Variants in CTNNA2 observed in about 807,000 individuals in gnomAD.
CTNNA2 encodes catenin alpha-2.
CTNNA2 carries 42 observed loss-of-function variants against 101.0 expected under a neutral mutation model. The observed-to-expected ratio is 0.42, with a 90% confidence interval of 0.32 to 0.54. The LOEUF (loss-of-function observed/expected upper bound fraction) is 0.54. CTNNA2 is among the 20% of genes least tolerant of loss of function. The pLI is 0.14. For synonymous variants in CTNNA2, 450 were observed against 456.4 expected (o/e 0.99, Z 0.18); for missense variants, 871 against 1,223.1 (o/e 0.71, Z 4.29).
intron 7 of CTNNA2, among the ~76,000 whole-genome samples, chr2:80,150,281 A>C (rs1002605968): frequency 6.6e-6 from 1 of 152,050 alleles, no homozygotes; most frequent in Non-Finnish European, 1.5e-5. Context: ...TTCTGACTTC[A>C]CAATTCCATC....
At chr2:79,305,076 G>A (rs1267901720) in intron 2 of CTNNA2, among the ~76,000 whole-genome samples, 1 of 151,990 alleles carries the variant, frequency 6.6e-6, no homozygotes, top group Non-Finnish European at 1.5e-5. Context: ...TAGTGACAAG[G>A]GGAATTCTGT....
intron 4 of CTNNA2, among the ~76,000 whole-genome samples, chr2:79,471,752 G>T (rs1384433138): frequency 6.6e-6 from 1 of 152,000 alleles, no homozygotes; most frequent in Non-Finnish European, 1.5e-5. Flanking sequence ...GCAGAAGAAC[G>T]GCCTGAACCC....
intron 7 of CTNNA2, among the ~76,000 whole-genome samples, chr2:79,934,997 A>T (rs1687681393): frequency 6.6e-6 from 1 of 152,212 alleles, no homozygotes; most frequent in Non-Finnish European, 1.5e-5. Context: ...TTAACAAGTT[A>T]TACAGTTAAA....
chr2:80,224,068 C>T (rs1708729569), intron 7 of CTNNA2, among the ~76,000 whole-genome samples: 1 of 152,166 alleles, frequency 6.6e-6, no homozygotes, highest in Non-Finnish European at 1.5e-5. Flanking sequence ...CTGCTCACTT[C>T]CCATGACTTG....
At chr2:79,191,965 C>T (rs1328374512) in intron 1 of CTNNA2, among the ~76,000 whole-genome samples, 1 of 152,118 alleles carries the variant, frequency 6.6e-6, no homozygotes, top group Admixed American at 6.5e-5. Context: ...GGTTGCTGGT[C>T]ACTTACCAGG....
At chr2:79,225,225 AT>A (rs1251078851) in intron 2 of CTNNA2, among the ~76,000 whole-genome samples, 1 of 152,174 alleles carries the variant, frequency 6.6e-6, no homozygotes, top group Non-Finnish European at 1.5e-5. Flanking sequence ...CAGGGGCATC[AT>A]TTTAACTATT....
chr2:79,335,870 G>C (rs1431416337), intron 3 of CTNNA2, among the ~76,000 whole-genome samples: 1 of 152,156 alleles, frequency 6.6e-6, no homozygotes, highest in Non-Finnish European at 1.5e-5. Flanking sequence ...ACTTGCACCT[G>C]GGAAAGCTAC....
chr2:79,587,683 C>T (rs1186633418), intron 1 of CTNNA2, among the ~76,000 whole-genome samples: 1 of 152,152 alleles, frequency 6.6e-6, no homozygotes, highest in Non-Finnish European at 1.5e-5. Context: ...TACATCATGG[C>T]TCAAAAGCCA....
intron 18 of CTNNA2, among the ~76,000 whole-genome samples, chr2:80,636,567 G>A (rs184113635): frequency 6.6e-6 from 1 of 152,214 alleles, no homozygotes; most frequent in East Asian, 1.9e-4. Flanking sequence ...GTAAGGTGGT[G>A]TCATCCTTTA....
At chr2:79,708,032 A>T (rs566510837) in intron 2 of CTNNA2, among the ~76,000 whole-genome samples, 3 of 152,352 alleles carry the variant, frequency 2.0e-5, no homozygotes, top group African/African-American at 7.2e-5. Context: ...TTATTAAATT[A>T]TAGACCTTTC....
intron 18 of CTNNA2, among the ~76,000 whole-genome samples, chr2:80,639,975 A>C (rs1195502976): frequency 6.6e-6 from 1 of 152,014 alleles, no homozygotes; most frequent in Non-Finnish European, 1.5e-5. Context: ...GGTGGCACAC[A>C]TCTGTAATCC....
At chr2:79,729,055 T>C (rs1417052818) in intron 2 of CTNNA2, among the ~76,000 whole-genome samples, 1 of 152,172 alleles carries the variant, frequency 6.6e-6, no homozygotes, top group Non-Finnish European at 1.5e-5. Flanking sequence ...GTCAAGAATT[T>C]TATTTTATTA....
intron 3 of CTNNA2, among the ~76,000 whole-genome samples, chr2:79,811,799 C>A (rs961145824): frequency 1.3e-5 from 2 of 152,122 alleles, no homozygotes; most frequent in Non-Finnish European, 2.9e-5. Context: ...TATAGTCAAT[C>A]TATGGATCTA....
At chr2:79,521,377 C>T (rs574775283) in intron 1 of CTNNA2, among the ~76,000 whole-genome samples, 60 of 151,760 alleles carry the variant, frequency 4.0e-4, no homozygotes, top group Non-Finnish European at 7.9e-4. Flanking sequence ...CCTAGCACAC[C>T]GTCATGCAGC....
chr2:79,917,353 C>T (rs1405553131), intron 7 of CTNNA2, among the ~76,000 whole-genome samples: 1 of 152,158 alleles, frequency 6.6e-6, no homozygotes, highest in Non-Finnish European at 1.5e-5. Flanking sequence ...CAGGTGTGAG[C>T]CACCGTGCCT....
intron 3 of CTNNA2, among the ~76,000 whole-genome samples, chr2:79,356,424 C>A (rs1011750050): frequency 1.3e-5 from 2 of 151,998 alleles, no homozygotes; most frequent in Non-Finnish European, 2.9e-5. Context: ...CTTGATAGTG[C>A]CCTTTAATAA....
At chr2:79,354,211 G>C (rs904361173) in intron 3 of CTNNA2, among the ~76,000 whole-genome samples, 1 of 152,080 alleles carries the variant, frequency 6.6e-6, no homozygotes, top group African/African-American at 2.4e-5. Context: ...TTGAATTTGT[G>C]TGTCAACCTC....
chr2:80,047,378 C>T (rs1446784399), intron 7 of CTNNA2, among the ~76,000 whole-genome samples: 3 of 152,176 alleles, frequency 2.0e-5, no homozygotes, highest in African/African-American at 7.2e-5. Context: ...CATTATGACA[C>T]TAAGTACTAT....
intron 7 of CTNNA2, among the ~76,000 whole-genome samples, chr2:80,094,294 T>C (rs1247295271): frequency 6.6e-6 from 1 of 152,104 alleles, no homozygotes; most frequent in African/African-American, 2.4e-5. Flanking sequence ...TTTCTCAGGT[T>C]TGTCAAAGAT....
Sources: gnomAD v4.1 joint callset for allele counts (sites outside exome capture counted in the v4.1 genomes callset) on GRCh38, gnomAD v4.1.1 for gene constraint, MANE v1.5 for transcripts, NCBI Gene and HGNC (gene_info 2026-07-23, HGNC 2026-07-21) for gene names.